Variants in PLD5 observed in about 807,000 individuals in gnomAD.
PLD5 encodes the protein inactive phospholipase D5.
In PLD5, 36 loss-of-function variants were observed where a neutral mutation model predicts 61.1. The observed-to-expected ratio is 0.59, with a 90% CI of 0.45 to 0.78. The LOEUF is 0.78. PLD5 is among the 30% of genes least tolerant of loss of function. The pLI, the probability that PLD5 is intolerant of heterozygous loss-of-function variation, is 0.00. For synonymous variants in PLD5, 243 were observed against 242.8 expected (o/e 1.00, Z -0.01); for missense variants, 515 against 644.4 (o/e 0.80, Z 2.17).
chr1:242,375,103 A>T (rs1160711174), intron 1 of PLD5, among the ~76,000 whole-genome samples: 1 of 152,118 alleles, frequency 6.6e-6, no homozygotes, highest in Admixed American at 6.5e-5. Flanking sequence ...TCTTTGGTCA[A>T]TATCCCCGAG....
At chr1:242,154,571 C>A (rs1438435397) in intron 5 of PLD5, among the ~76,000 whole-genome samples, 1 of 152,106 alleles carries the variant, frequency 6.6e-6, no homozygotes, top group Non-Finnish European at 1.5e-5. Context: ...TGAATTTTGT[C>A]AAAGGCTTTT....
chr1:242,424,533 T>G (rs1228647494), intron 1 of PLD5, among the ~76,000 whole-genome samples: 1 of 150,860 alleles, frequency 6.6e-6, no homozygotes, highest in Non-Finnish European at 1.5e-5. Flanking sequence ...CCAAATTTCC[T>G]TGCTCCCTCA....
intron 8 of PLD5, among the ~76,000 whole-genome samples, chr1:242,105,092 C>G (rs193291068): frequency 6.6e-6 from 1 of 152,104 alleles, no homozygotes; most frequent in African/African-American, 2.4e-5. Flanking sequence ...TCATGTTATA[C>G]AGTGACAAAC....
intron 3 of PLD5, among the ~76,000 whole-genome samples, chr1:242,279,146 G>A (rs992956117): frequency 3.3e-5 from 5 of 152,238 alleles, no homozygotes; most frequent in Admixed American, 6.5e-5. Context: ...CCAAGTACAA[G>A]CTGCTACTCA....
intron 1 of PLD5, among the ~76,000 whole-genome samples, chr1:242,402,338 A>C (rs1246274288): frequency 6.6e-6 from 1 of 152,214 alleles, no homozygotes; most frequent in African/African-American, 2.4e-5. Context: ...TCACTGCATT[A>C]ATGAGAAGTT....
intron 1 of PLD5, among the ~76,000 whole-genome samples, chr1:242,464,242 T>C (rs1667208437): frequency 6.6e-6 from 1 of 152,120 alleles, no homozygotes. Context: ...TGTCCCCTAG[T>C]CCCAAGGATT....
intron 5 of PLD5, among the ~76,000 whole-genome samples, chr1:242,134,642 T>C (rs370012673): frequency 2.6e-5 from 4 of 152,138 alleles, no homozygotes; most frequent in African/African-American, 9.7e-5. Flanking sequence ...GAGAAATGTT[T>C]TTACTTCTGT....
At chr1:242,409,417 A>G (rs1664420290) in intron 1 of PLD5, among the ~76,000 whole-genome samples, 1 of 152,060 alleles carries the variant, frequency 6.6e-6, no homozygotes, top group Admixed American at 6.6e-5. Flanking sequence ...CATTTATCAC[A>G]TAAGCGGAAA....
At chr1:242,213,210 C>T (rs957632074) in intron 5 of PLD5, among the ~76,000 whole-genome samples, 1 of 152,058 alleles carries the variant, frequency 6.6e-6, no homozygotes, top group Non-Finnish European at 1.5e-5. Context: ...AAAAAATTTG[C>T]GTTTACAATA....
intron 1 of PLD5, among the ~76,000 whole-genome samples, chr1:242,512,920 G>A (rs997203138): frequency 6.6e-6 from 1 of 151,454 alleles, no homozygotes; most frequent in Non-Finnish European, 1.5e-5. Flanking sequence ...TGCCCAGGCT[G>A]GAGTGTGGTG....
At chr1:242,518,694 A>T (rs1400240022) in intron 1 of PLD5, among the ~76,000 whole-genome samples, 2 of 152,254 alleles carry the variant, frequency 1.3e-5, no homozygotes, top group South Asian at 4.1e-4. Context: ...GGAAGAAGAG[A>T]TGAAAAAGAA....
At chr1:242,234,547 G>A (rs1671514668) in intron 4 of PLD5, among the ~76,000 whole-genome samples, 1 of 152,174 alleles carries the variant, frequency 6.6e-6, no homozygotes, top group South Asian at 2.1e-4. Context: ...GTGAACTCCA[G>A]GGACTGGGGA....
chr1:242,210,919 C>G (rs1044115428), intron 5 of PLD5: 5 of 152,170 alleles, frequency 3.3e-5, no homozygotes, highest in African/African-American at 1.2e-4. Context: ...GAGGCCCTTA[C>G]CCTCTTATAC....
At chr1:242,446,407 T>C (rs1256925914) in intron 1 of PLD5, among the ~76,000 whole-genome samples, 1 of 151,854 alleles carries the variant, frequency 6.6e-6, no homozygotes. Context: ...CTGTCTCTAC[T>C]GAAAAATACA....
intron 8 of PLD5, among the ~76,000 whole-genome samples, chr1:242,105,134 G>A (rs1281913488): frequency 6.6e-6 from 1 of 151,866 alleles, no homozygotes; most frequent in East Asian, 1.9e-4. Context: ...GCATTTATTT[G>A]GAAGGAATAC....
At chr1:242,460,717 T>C (rs1018122342) in intron 1 of PLD5, among the ~76,000 whole-genome samples, 3 of 152,154 alleles carry the variant, frequency 2.0e-5, no homozygotes, top group Non-Finnish European at 2.9e-5. Context: ...AGCACACTTC[T>C]GAATAAAATT....
chr1:242,317,283 G>A (rs550122934), intron 2 of PLD5, among the ~76,000 whole-genome samples: 1 of 152,140 alleles, frequency 6.6e-6, no homozygotes, highest in East Asian at 1.9e-4. Context: ...CCAAAGTGCT[G>A]GGATTAGAGG....
At chr1:242,379,804 T>A (rs1357991790) in intron 1 of PLD5, among the ~76,000 whole-genome samples, 1 of 152,170 alleles carries the variant, frequency 6.6e-6, no homozygotes, top group East Asian at 1.9e-4. Flanking sequence ...AATATATTTA[T>A]GCAAAAAGTT....
At chr1:242,093,147 C>A (rs1659968813) in intron 9 of PLD5, among the ~76,000 whole-genome samples, 1 of 152,066 alleles carries the variant, frequency 6.6e-6, no homozygotes, top group African/African-American at 2.4e-5. Flanking sequence ...GCCCAGAGAC[C>A]CCCGTGGCCA....
Sources: gnomAD v4.1 joint callset for allele counts (sites outside exome capture counted in the v4.1 genomes callset) on GRCh38, gnomAD v4.1.1 for gene constraint, MANE v1.5 for transcripts, NCBI Gene and HGNC (gene_info 2026-07-23, HGNC 2026-07-21) for gene names.